DGLUCY: variants seen among roughly 807,000 people sequenced by gnomAD.
DGLUCY encodes D-glutamate cyclase, mitochondrial.
DGLUCY carries 58 observed loss-of-function variants against 58.5 expected under a neutral mutation model. That is an observed-to-expected ratio of 0.99 (90% confidence interval 0.80 to 1.23). DGLUCY has a LOEUF of 1.23. Among genes scored for constraint, DGLUCY ranks in the 50% most tolerant of loss-of-function variants. DGLUCY has a pLI of 0.00. For missense variants in DGLUCY, 779 were observed against 784.7 expected (o/e 0.99, Z 0.09); for synonymous variants, 325 against 314.1 (o/e 1.03, Z -0.37).
intron 3 of DGLUCY, among the ~76,000 whole-genome samples, chr14:91,164,189 A>T (rs1001376979): frequency 6.6e-6 from 1 of 152,154 alleles, no homozygotes; most frequent in Non-Finnish European, 1.5e-5. Context: ...ACCTCAAGTG[A>T]TCTGCCAACC....
At position 91,224,694 on chromosome 14, in the gene DGLUCY, T is replaced by A; in HGVS notation, c.1727T>A (p.Met576Lys). 1 of 1,595,178 alleles carries A rather than the reference T, an allele frequency of 6.3e-7. No individual in the cohort carries two copies. Among genetic ancestry groups the A allele is most frequent in the Non-Finnish European group, 8.6e-7 (1 of 1,166,004 alleles). The change falls in exon 14 of 14, where the codon ATG becomes AAG. Residue 576 changes from methionine to lysine, a missense_variant. Transcript: ENST00000256324. ...ALPSVIKEEK[M>K]LGILVQHKVR... Reference sequence around the variant, plus strand: ...CCTATTTTTTTCCAGGAAGAAAAAATGCTGGGCATCTTGGTGCAGCACAAA... The same window carrying A: ...CCTATTTTTTTCCAGGAAGAAAAAAAGCTGGGCATCTTGGTGCAGCACAAA...
chr14:91,199,343 T>TCA (rs1254813491), intron 10 of DGLUCY, among the ~76,000 whole-genome samples: 1 of 151,662 alleles, frequency 6.6e-6, no homozygotes, highest in Non-Finnish European at 1.5e-5. Context: ...CACTGCAACC[T>TCA]CTGCCTCCCG....
intron 3 of DGLUCY, among the ~76,000 whole-genome samples, chr14:91,161,671 CACACTTACTAAT>C (rs1308687248): frequency 6.8e-4 from 103 of 152,230 alleles, no homozygotes; most frequent in Non-Finnish European, 1.2e-3. Context: ...CTGCTTGCAT[CACACTTACTAAT>C]GTCCCATTGG....
intron 1 of DGLUCY, among the ~76,000 whole-genome samples, chr14:91,140,646 G>A (rs1412981452): frequency 6.6e-6 from 1 of 152,144 alleles, no homozygotes; most frequent in Non-Finnish European, 1.5e-5. Context: ...ACTCCAGCAT[G>A]GATGACAGAG....
chr14:91,199,764 C>G lies in DGLUCY; in HGVS notation c.1303C>G (p.His435Asp), dbSNP rs770030688. The G allele has an allele frequency of 6.2e-7, 1 of 1,614,064 alleles. No individual in the cohort carries two copies. The highest frequency in any genetic ancestry group is 1.3e-5 in the African/African-American group (1 of 75,060). The change falls in exon 11 of 14, where the codon CAC becomes GAC. Residue 435 changes from histidine to aspartate, a missense_variant. Coordinates refer to ENST00000256324, the MANE Select transcript of DGLUCY (RefSeq NM_001102368.3). ...ACCTTTGCTTCCCGGCAGATTTGACCACCTGGTGGCCATAGAGCGTGCCGG... is the reference window on the plus strand; with the variant it reads ...ACCTTTGCTTCCCGGCAGATTTGACGACCTGGTGGCCATAGAGCGTGCCGG... ...NGDPQTPRFD[H>D]LVAIERAGRA...
chr14:91,069,825 G>T, intron 1 of DGLUCY, among the ~76,000 whole-genome samples: 1 of 125,878 alleles, frequency 7.9e-6, no homozygotes, highest in Non-Finnish European at 1.7e-5. Flanking sequence ...TTGTCACCCA[G>T]GCTGGAGTGC....
chr14:91,179,325 C>T (rs760250061), intron 7 of DGLUCY, among the ~76,000 whole-genome samples: 1 of 152,162 alleles, frequency 6.6e-6, no homozygotes, highest in Admixed American at 6.5e-5. Flanking sequence ...TGGCTCATGC[C>T]TGTAATCCCA....
At chr14:91,186,270 AG>A (rs1395332986) in intron 8 of DGLUCY, among the ~76,000 whole-genome samples, 2 of 151,960 alleles carry the variant, frequency 1.3e-5, no homozygotes, top group African/African-American at 2.4e-5. Flanking sequence ...TTTTTGAGAC[AG>A]AGTCTTGCTC....
intron 8 of DGLUCY, chr14:91,185,456 A>G (rs1469408585): frequency 6.8e-6 from 1 of 147,860 alleles, no homozygotes; most frequent in Non-Finnish European, 1.5e-5. Flanking sequence ...CTAATTTTTA[A>G]TTTTTTTTTG....
intron 7 of DGLUCY, among the ~76,000 whole-genome samples, chr14:91,179,530 T>A (rs2049038483): frequency 6.6e-6 from 1 of 152,072 alleles, no homozygotes; most frequent in Admixed American, 6.6e-5. Context: ...GACAGGAGGA[T>A]CACCTGAGGT....
intron 1 of DGLUCY, among the ~76,000 whole-genome samples, chr14:91,101,438 C>A (rs1416854429): frequency 5.3e-5 from 8 of 152,184 alleles, no homozygotes; most frequent in Admixed American, 5.2e-4. Context: ...GAGGTTAGGC[C>A]ACCTCTTGGC....
chr14:91,086,871 A>T (rs2044230288), intron 1 of DGLUCY, among the ~76,000 whole-genome samples: 1 of 152,152 alleles, frequency 6.6e-6, no homozygotes, highest in Non-Finnish European at 1.5e-5. Context: ...CTCCTGCCTC[A>T]TCCTCCCAAG....
intron 1 of DGLUCY, among the ~76,000 whole-genome samples, chr14:91,094,972 C>T (rs1396851578): frequency 2.0e-5 from 3 of 152,120 alleles, no homozygotes; most frequent in Non-Finnish European, 4.4e-5. Context: ...GGAACCTGCT[C>T]GCTCTGGGTC....
exon 1 of DGLUCY, chr14:91,060,483 A>G: frequency 7.5e-7 from 1 of 1,332,136 alleles, no homozygotes; most frequent in Non-Finnish European, 9.7e-7. Context: ...GGAACCCAGG[A>G]GACAGCGGAC....
At chr14:91,131,721 A>G (rs929515136) in intron 1 of DGLUCY, among the ~76,000 whole-genome samples, 1 of 151,792 alleles carries the variant, frequency 6.6e-6, no homozygotes, top group Non-Finnish European at 1.5e-5. Context: ...CATCCTTCAT[A>G]TTTCGTACTT....
chr14:91,202,853 G>A (rs760504650), intron 11 of DGLUCY, among the ~76,000 whole-genome samples: 6 of 152,000 alleles, frequency 3.9e-5, no homozygotes, highest in Non-Finnish European at 7.4e-5. Context: ...CCCTTCTCAC[G>A]GCCTCAGGAG....
At chr14:91,108,216 C>T (rs2044624189) in intron 1 of DGLUCY, among the ~76,000 whole-genome samples, 1 of 151,862 alleles carries the variant, frequency 6.6e-6, no homozygotes, top group Admixed American at 6.6e-5. Context: ...AGGTGGGAGT[C>T]GAGCGTACAA....
chr14:91,084,228 G>A (rs1359351810), intron 1 of DGLUCY, among the ~76,000 whole-genome samples: 2 of 148,202 alleles, frequency 1.3e-5, no homozygotes, highest in African/African-American at 2.5e-5. Flanking sequence ...TTTTGAGATG[G>A]AGTCTTGCTC....
chr14:91,205,757 TTCTTCTTCTTCTTCTTC>T (rs1884485204), intron 12 of DGLUCY, among the ~76,000 whole-genome samples: 1 of 107,252 alleles, frequency 9.3e-6, no homozygotes, highest in Non-Finnish European at 1.8e-5. Context: ...GGGCATTCTC[TTCTTCTTCTTCTTCTTC>T]TTCTTCTTCT....
Sources: gnomAD v4.1 joint callset for allele counts (sites outside exome capture counted in the v4.1 genomes callset) on GRCh38, gnomAD v4.1.1 for gene constraint, MANE v1.5 for transcripts, NCBI Gene and HGNC (gene_info 2026-07-23, HGNC 2026-07-21) for gene names.